TMEM204: variants seen among roughly 807,000 people sequenced by gnomAD.
TMEM204 encodes the protein claudin-like protein 24.
In TMEM204, 15 loss-of-function variants were observed where a neutral mutation model predicts 19.4. That is an observed-to-expected ratio of 0.77 (90% CI 0.52 to 1.19). The LOEUF is 1.19. Among genes scored for constraint, TMEM204 ranks in the 50% most tolerant of loss-of-function variants. The probability of loss-of-function intolerance (pLI) is 0.00; values close to 1 mark genes in which losing one functional copy is unlikely to be tolerated. For missense variants in TMEM204, 287 were observed against 321.2 expected (o/e 0.89, Z 0.81); for synonymous variants, 161 against 146.0 (o/e 1.10, Z -0.74).
chr16:1,546,960 G>A (rs1477275759), intron 2 of TMEM204, among the ~76,000 whole-genome samples: 7 of 152,210 alleles, frequency 4.6e-5, no homozygotes, highest in Non-Finnish European at 7.3e-5. Flanking sequence ...AGTCCCCGCC[G>A]TCCCCCAGTC....
chr16:1,546,977 C>A (rs914557041), intron 2 of TMEM204, among the ~76,000 whole-genome samples: 2 of 152,224 alleles, frequency 1.3e-5, no homozygotes, highest in Non-Finnish European at 2.9e-5. Context: ...AGTCGGTGCT[C>A]ACATGACACT....
At chr16:1,544,750 G>A (rs1222077820) in intron 2 of TMEM204, among the ~76,000 whole-genome samples, 2 of 151,732 alleles carry the variant, frequency 1.3e-5, no homozygotes, top group Non-Finnish European at 1.5e-5. Flanking sequence ...CCGGGTTCAC[G>A]CCATTCTCCT....
In TMEM204 at chr16:1,553,759, C is replaced by CA. The variant is rs1198753310; in HGVS notation, c.437-1022dup. 9 of 1,170,998 alleles carry CA rather than the reference C, an allele frequency of 7.7e-6. No homozygotes were observed. Among genetic ancestry groups the CA allele is most frequent in the Non-Finnish European group, 9.7e-6 (9 of 932,228 alleles). 72.5% of individuals were successfully genotyped at this position (1,170,998 alleles called of 1,614,324 possible). On this transcript the variant is annotated intron_variant, in intron 2 of 2. Coordinates refer to ENST00000566264, the MANE Select transcript of TMEM204 (RefSeq NM_024600.6). This position sits in a 1 kb window ranked among gnomAD's most constrained non-coding sequence, Gnocchi z 4.4. ...CATGGCTGTAGGGGATGAGGAGGGG[C>CA]AGGGCCATGTGGACAGCCTCTCCTC... is the stretch of plus-strand genomic sequence containing the variant.
At chr16:1,534,656 C>T in intron 1 of TMEM204, 101 bp downstream of exon 1, 1 of 1,531,180 alleles carries the variant, frequency 6.5e-7, no homozygotes, top group Non-Finnish European at 8.9e-7. Context: ...GGAGGCCTGG[C>T]CCCTGCTCTG....
intron 2 of TMEM204, among the ~76,000 whole-genome samples, chr16:1,546,970 C>G (rs922463462): frequency 6.6e-6 from 1 of 152,218 alleles, no homozygotes; most frequent in Non-Finnish European, 1.5e-5. Context: ...GTCCCCCAGT[C>G]GGTGCTCACA....
At chr16:1,548,703 C>G (rs2032379591) in intron 2 of TMEM204, among the ~76,000 whole-genome samples, 1 of 152,184 alleles carries the variant, frequency 6.6e-6, no homozygotes, top group South Asian at 2.1e-4. Context: ...CTCCTTCCAC[C>G]CCTTCCCATC....
At chr16:1,545,274 C>T (rs1457963061) in intron 2 of TMEM204, among the ~76,000 whole-genome samples, 1 of 151,906 alleles carries the variant, frequency 6.6e-6, no homozygotes, top group Non-Finnish European at 1.5e-5. Flanking sequence ...TCAACAACCG[C>T]CAGAACGGCA....
intron 1 of TMEM204, among the ~76,000 whole-genome samples, chr16:1,539,859 G>A (rs1342509061): frequency 2.0e-5 from 3 of 152,306 alleles, no homozygotes; most frequent in African/African-American, 4.8e-5. Context: ...TCAGCAGCCC[G>A]GGGACCCCGT....
chr16:1,531,154 T>C (rs2141218392), upstream of TMEM204: 1 of 152,338 alleles, frequency 6.6e-6, no homozygotes, highest in Non-Finnish European at 1.5e-5. The surrounding 1 kb of genome is among the most constrained non-coding windows in gnomAD (Gnocchi z 4.7). Flanking sequence ...GGTTTGTGCA[T>C]CTGACATAAA....
intron 1 of TMEM204, among the ~76,000 whole-genome samples, chr16:1,540,051 C>A (rs1042216580): frequency 7.9e-5 from 12 of 152,198 alleles, no homozygotes; most frequent in Admixed American, 3.3e-4. Context: ...GCTTGAAATA[C>A]AGTGGGTAGG....
At chr16:1,543,937 C>T (rs954696250) in intron 2 of TMEM204, among the ~76,000 whole-genome samples, 5 of 151,918 alleles carry the variant, frequency 3.3e-5, no homozygotes, top group South Asian at 2.1e-4. Context: ...GATATTTTAG[C>T]GGCATAGAGA....
chr16:1,545,671 GAGA>G (rs1410408860), intron 2 of TMEM204, among the ~76,000 whole-genome samples: 1 of 152,230 alleles, frequency 6.6e-6, no homozygotes, highest in Non-Finnish European at 1.5e-5. Context: ...GCAGTGGGGA[GAGA>G]AGATGCTCAT....
At chr16:1,529,904 G>C (rs138818596), upstream of TMEM204, among the ~76,000 whole-genome samples, 8 of 152,218 alleles carry the variant, frequency 5.3e-5, no homozygotes, top group African/African-American at 1.7e-4. Flanking sequence ...GGTCACATCT[G>C]AATCTCAAAA....
Position 1,555,113 on chromosome 16 carries a change from C to T in TMEM204, c.*87C>T. The T allele has an allele frequency of 6.7e-7, 1 of 1,492,740 alleles. No homozygotes were observed. The highest frequency in any genetic ancestry group is 1.3e-5 in the South Asian group (1 of 77,126). The allele number at this position is 1,492,740 out of a possible 1,614,324, so 92.5% of individuals were successfully genotyped here. ...GGGACTCCACCACCAAGTCACTTCCCCTGCTCGTGCAGAGGCACGGGATGA... is the reference window on the plus strand; with the variant it reads ...GGGACTCCACCACCAAGTCACTTCCTCTGCTCGTGCAGAGGCACGGGATGA... On this transcript the variant is annotated 3_prime_UTR_variant, in exon 3 of 3. Coordinates refer to ENST00000566264, the MANE Select transcript of TMEM204 (RefSeq NM_024600.6).
At chr16:1,548,081 G>A (rs533750908) in intron 2 of TMEM204, among the ~76,000 whole-genome samples, 4 of 152,262 alleles carry the variant, frequency 2.6e-5, no homozygotes, top group East Asian at 3.9e-4. Flanking sequence ...TGAGAGCTTC[G>A]GAGCCTCTCG....
chr16:1,541,955 G>T lies in TMEM204; in HGVS notation c.315G>T (p.Val105=). 2 of 1,608,922 alleles carry T rather than the reference G, an allele frequency of 1.2e-6. No individual in the cohort carries two copies. Among genetic ancestry groups the T allele is most frequent in the Non-Finnish European group, 1.7e-6 (2 of 1,178,662 alleles). Residue 105 remains valine, a synonymous_variant, in exon 2 of 3, where the codon GTG becomes GTT. Transcript: ENST00000566264. ...QFDMMRACNL[V]ATAALTAGQL... ...ACATGATGCGCGCCTGCAACCTGGTGGCCACGGCCGCGCTCACCGCAGGCC... is the reference window on the plus strand; with the variant it reads ...ACATGATGCGCGCCTGCAACCTGGTTGCCACGGCCGCGCTCACCGCAGGCC...
At chr16:1,552,015 C>A (rs1297577361) in intron 2 of TMEM204, among the ~76,000 whole-genome samples, 3 of 152,162 alleles carry the variant, frequency 2.0e-5, no homozygotes, top group African/African-American at 4.8e-5. Context: ...GGAAACTGAC[C>A]CCCACGGCAA....
chr16:1,547,311 G>A (rs1362584986), intron 2 of TMEM204, among the ~76,000 whole-genome samples: 1 of 152,200 alleles, frequency 6.6e-6, no homozygotes, highest in Non-Finnish European at 1.5e-5. Flanking sequence ...CTGACTTGTA[G>A]AAGTCCGCTC....
Position 1,554,799 on chromosome 16 carries a change from G to T in TMEM204, c.454G>T (p.Gly152Trp). 1 of 1,614,150 alleles carries T rather than the reference G, an allele frequency of 6.2e-7. No homozygotes were observed. Among genetic ancestry groups the T allele is most frequent in the Non-Finnish European group, 8.5e-7 (1 of 1,180,034 alleles). The change falls in exon 3 of 3, where the codon GGG (glycine) becomes TGG (tryptophan). Residue 152 changes from glycine (G) to tryptophan (W), a missense_variant. Gly to Trp is a radical substitution (Grantham distance 184). Transcript: ENST00000566264. Reference sequence around the variant, plus strand: ...ATCTGCAGGTTTTGTCCTGGTCATCGGGCTCGTGACTTTCTACAGAATTGG... The same window carrying T: ...ATCTGCAGGTTTTGTCCTGGTCATCTGGCTCGTGACTTTCTACAGAATTGG... ...FQLASFVLVI[G>W]LVTFYRIGPY...
Sources: allele counts gnomAD v4.1 joint callset (sites outside exome capture counted in the v4.1 genomes callset), GRCh38; gene constraint gnomAD v4.1.1; non-coding constraint Gnocchi (gnomAD v3.1); transcripts MANE v1.5; gene names NCBI Gene and HGNC (gene_info 2026-07-23, HGNC 2026-07-21).